The following FHIT variants were observed in gnomAD, a reference collection of about 807,000 sequenced individuals.
The protein encoded by FHIT is bis(5'-adenosyl)-triphosphatase.
A neutral mutation model predicts 17.9 loss-of-function variants in FHIT; 19 were observed. That is an observed-to-expected ratio of 1.06 (90% CI 0.74 to 1.56). The LOEUF is 1.56. FHIT is among the 40% of genes most tolerant of loss of function. The probability of loss-of-function intolerance (pLI) is 0.00; values close to 1 mark genes in which losing one functional copy is unlikely to be tolerated. For missense variants in FHIT, 248 were observed against 189.2 expected, an observed-to-expected ratio of 1.31 and a Z score of -1.82; for synonymous variants, 81 against 69.7, an observed-to-expected ratio of 1.16 and a Z score of -0.81.
intron 7 of FHIT, 28 bp downstream of exon 7, chr3:60,011,343 A>G: frequency 6.2e-7 from 1 of 1,610,720 alleles, no homozygotes; most frequent in Non-Finnish European, 8.5e-7. Flanking sequence ...GCCTCTTATT[A>G]ATTTGTATGC....
intron 4 of FHIT, among the ~76,000 whole-genome samples, chr3:60,679,364 A>G (rs2040694931): frequency 6.6e-6 from 1 of 152,196 alleles, no homozygotes; most frequent in South Asian, 2.1e-4. Flanking sequence ...CTAATTTGAG[A>G]ATTACAGAAA....
At chr3:60,578,163 G>C (rs912067646) in intron 4 of FHIT, among the ~76,000 whole-genome samples, 1 of 152,150 alleles carries the variant, frequency 6.6e-6, no homozygotes, top group Non-Finnish European at 1.5e-5. Context: ...TTAGTGCCCA[G>C]TGTGGTGGCT....
chr3:60,124,041 G>GAGAGAGAGAGAC lies in FHIT; in HGVS notation c.104-109890_104-109889insGTCTCTCTCTCT, dbSNP rs1553691006. On this transcript the variant is annotated intron_variant, in intron 5 of 9. Transcript: ENST00000492590. ...AGAGAGAGAGAGAGAGAGAGAGAGA[G>GAGAGAGAGAGAC]AGAGAGAGAGAGAGACAGAGAGAGA... 1.7e-3 allele frequency among the ~76,000 whole-genome samples: 83 copies of GAGAGAGAGAGAC among 47,586 alleles called. 2 individuals are homozygous for GAGAGAGAGAGAC. The highest frequency in any genetic ancestry group is 2.2e-3 in the East Asian group (6 of 2,722). The allele number at this position is 47,586 out of a possible 152,430, so 31.2% of individuals were successfully genotyped here.
intron 3 of FHIT, among the ~76,000 whole-genome samples, chr3:60,970,757 T>A (rs1247206067): frequency 6.6e-6 from 1 of 152,178 alleles, no homozygotes; most frequent in Non-Finnish European, 1.5e-5. Flanking sequence ...CCTGTTATTG[T>A]TTGTTGCCTT....
rs1175963627 is a variant in FHIT, at chr3:61,239,761, CCATATATATA to C, written c.-213+11530_-213+11539del. 3.6e-4 allele frequency among the ~76,000 whole-genome samples: 23 copies of C among 63,166 alleles called. 1 individual carries two copies. Among genetic ancestry groups the C allele is most frequent in the African/African-American group, 1.0e-3 (16 of 15,644 alleles). The allele number at this position is 63,166 out of a possible 152,430, so 41.4% of individuals were successfully genotyped here. On this transcript the variant is annotated intron_variant, in intron 1 of 9. Coordinates refer to ENST00000492590, the MANE Select transcript of FHIT (RefSeq NM_002012.4). ...TAAAACTGCAAAGAAAAACAACTGG[CCATATATATA>C]TATATATATATATACACAAATTCTA...
rs1283671801 is a variant in FHIT at position 60,952,160 on chromosome 3, G to A, written c.-111+89887C>T. On this transcript the variant is annotated intron_variant, in intron 3 of 9. Coordinates refer to ENST00000492590, the MANE Select transcript of FHIT (RefSeq NM_002012.4). The stretch of plus-strand genomic sequence containing the variant: ...GCCTGGGAGACAAGAGCAAAACTCC[G>A]TCCTCCCCACCCCCCCCCCAAAAAA... Among the ~76,000 whole-genome samples the A allele has an allele frequency of 5.6e-5, 8 of 142,026 alleles. No individual in the cohort carries two copies. The South Asian group carries it at 8.8e-4, about 16-fold the overall frequency. 93.2% of individuals were successfully genotyped at this position (142,026 alleles called of 152,430 possible). A position where few individuals can be genotyped will look rare whatever the true frequency, so the allele number is the denominator to read the frequency against.
At chr3:61,033,090 T>G (rs989315583) in intron 3 of FHIT, among the ~76,000 whole-genome samples, 1 of 152,234 alleles carries the variant, frequency 6.6e-6, no homozygotes, top group African/African-American at 2.4e-5. Context: ...GTCGCCTTGA[T>G]GAGGGTGACT....
At chr3:59,869,258 C>G (rs1335047014) in intron 8 of FHIT, among the ~76,000 whole-genome samples, 1 of 152,118 alleles carries the variant, frequency 6.6e-6, no homozygotes, top group African/African-American at 2.4e-5. Flanking sequence ...ACTAGTTTAG[C>G]TCTTTCTACC....
chr3:60,035,076 C>T (rs1216902658), intron 5 of FHIT, among the ~76,000 whole-genome samples: 2 of 152,138 alleles, frequency 1.3e-5, no homozygotes, highest in Admixed American at 6.6e-5. Flanking sequence ...ATATATAAAC[C>T]TGAGTCAGAG....
chr3:60,619,122 G>A (rs2039039579), intron 4 of FHIT, among the ~76,000 whole-genome samples: 1 of 152,092 alleles, frequency 6.6e-6, no homozygotes, highest in Admixed American at 6.5e-5. Context: ...ATGATTTGTT[G>A]CATTATAGGT....
At chr3:59,944,950 T>C (rs772421225) in intron 7 of FHIT, among the ~76,000 whole-genome samples, 5 of 152,218 alleles carry the variant, frequency 3.3e-5, no homozygotes, top group Non-Finnish European at 7.3e-5. Flanking sequence ...AGGTTGATTA[T>C]ATGCCTTTGC....
At chr3:60,533,595 G>C (rs1403511593) in intron 5 of FHIT, among the ~76,000 whole-genome samples, 1 of 152,146 alleles carries the variant, frequency 6.6e-6, no homozygotes, top group Non-Finnish European at 1.5e-5. Context: ...AGAGGACAGA[G>C]TTTTGTTTTG....
At chr3:59,888,063 C>T (rs1413243551) in intron 8 of FHIT, among the ~76,000 whole-genome samples, 1 of 152,174 alleles carries the variant, frequency 6.6e-6, no homozygotes, top group African/African-American at 2.4e-5. Flanking sequence ...GGTGTACTTT[C>T]TAACTTTTAT....
At chr3:61,175,386 C>A (rs9850125) in intron 2 of FHIT, among the ~76,000 whole-genome samples, 1 of 151,830 alleles carries the variant, frequency 6.6e-6, no homozygotes, top group Admixed American at 6.6e-5. Context: ...GCTTGACCAC[C>A]TCCCCCATCA....
intron 1 of FHIT, among the ~76,000 whole-genome samples, chr3:61,239,782 T>TATATATAC (rs895030251): frequency 6.9e-6 from 1 of 144,042 alleles, no homozygotes; most frequent in South Asian, 2.2e-4. Context: ...TATATATATA[T>TATATATAC]ATACACAAAT....
intron 3 of FHIT, among the ~76,000 whole-genome samples, chr3:60,907,869 C>T (rs1553764931): frequency 6.6e-6 from 1 of 152,146 alleles, no homozygotes; most frequent in African/African-American, 2.4e-5. Flanking sequence ...CTTGCAATAA[C>T]TCTATGTGAT....
At chr3:60,621,520 T>C (rs1276736475) in intron 4 of FHIT, among the ~76,000 whole-genome samples, 34 of 152,098 alleles carry the variant, frequency 2.2e-4, no homozygotes, top group Non-Finnish European at 1.5e-5. Flanking sequence ...TGGAACATTT[T>C]ATAAATATCA....
At chr3:60,531,950 T>G (rs1576824884) in intron 5 of FHIT, among the ~76,000 whole-genome samples, 1 of 152,204 alleles carries the variant, frequency 6.6e-6, no homozygotes, top group African/African-American at 2.4e-5. Context: ...ACTTTTTATT[T>G]CTAATGTGTC....
chr3:59,765,749 C>A (rs1701761824), intron 8 of FHIT, among the ~76,000 whole-genome samples: 1 of 152,138 alleles, frequency 6.6e-6, no homozygotes, highest in Admixed American at 6.5e-5. Context: ...AAGAGAAATT[C>A]TCATATGTGT....
Sources: gnomAD v4.1 joint callset for allele counts (sites outside exome capture counted in the v4.1 genomes callset) on GRCh38, gnomAD v4.1.1 for gene constraint, MANE v1.5 for transcripts, NCBI Gene and HGNC (gene_info 2026-07-23, HGNC 2026-07-21) for gene names.